Variants in MSRB3 observed in about 807,000 individuals in gnomAD.
MSRB3 encodes methionine sulfoxide reductase B3.
A neutral mutation model predicts 21.0 loss-of-function variants in MSRB3; 13 were observed. The ratio of observed to expected loss-of-function variants is 0.62; its 90% confidence interval spans 0.40 to 0.98. MSRB3 has a LOEUF of 0.98. Ranked by LOEUF, MSRB3 falls within the 50% of genes least tolerant of loss-of-function variation. The pLI is 0.00. For synonymous variants in MSRB3, 87 were observed against 88.6 expected (o/e 0.98, Z 0.10); for missense variants, 199 against 230.3 (o/e 0.86, Z 0.88).
intron 1 of MSRB3, among the ~76,000 whole-genome samples, chr12:65,288,075 C>T (rs1044258768): frequency 1.3e-5 from 2 of 151,892 alleles, no homozygotes; most frequent in East Asian, 1.9e-4. Context: ...GAGGCTGAGT[C>T]GGGCGGATCA....
chr12:65,286,706 A>G (rs1328635432), intron 1 of MSRB3: 1 of 149,908 alleles, frequency 6.7e-6, no homozygotes, highest in East Asian at 1.9e-4. Flanking sequence ...GCTACATGGT[A>G]GAATCTATTA....
chr12:65,369,635 C>G (rs1184752731), intron 5 of MSRB3, among the ~76,000 whole-genome samples: 1 of 152,086 alleles, frequency 6.6e-6, no homozygotes, highest in African/African-American at 2.4e-5. Context: ...ATATAATTCT[C>G]AGGTTTGACT....
At chr12:65,328,819 AC>A (rs1474605008) in intron 4 of MSRB3, among the ~76,000 whole-genome samples, 50 of 152,336 alleles carry the variant, frequency 3.3e-4, no homozygotes, top group African/African-American at 1.2e-3. Context: ...TCTTTAAAAT[AC>A]CCAACATTAA....
chr12:65,384,406 G>A (rs1255392348), intron 5 of MSRB3, among the ~76,000 whole-genome samples: 1 of 152,108 alleles, frequency 6.6e-6, no homozygotes, highest in African/African-American at 2.4e-5. Flanking sequence ...CAACAGGATG[G>A]CTTTATATAG....
At chr12:65,337,935 A>G (rs1239265269) in intron 4 of MSRB3, among the ~76,000 whole-genome samples, 1 of 152,216 alleles carries the variant, frequency 6.6e-6, no homozygotes, top group African/African-American at 2.4e-5. Flanking sequence ...CAACAAAACT[A>G]TGAACTTTTT....
At chr12:65,349,698 A>C (rs1876801998) in intron 4 of MSRB3, among the ~76,000 whole-genome samples, 4 of 149,508 alleles carry the variant, frequency 2.7e-5, no homozygotes, top group Admixed American at 2.6e-4. Flanking sequence ...TTGGCTGCAT[A>C]AATGTCTTCT....
intron 5 of MSRB3, among the ~76,000 whole-genome samples, chr12:65,401,516 A>G (rs368214394): frequency 1.3e-5 from 2 of 152,116 alleles, no homozygotes; most frequent in Non-Finnish European, 2.9e-5. Context: ...TGCACGTGAG[A>G]TGGGTATCCT....
chr12:65,344,000 C>T (rs1490310990), intron 4 of MSRB3: 1 of 152,100 alleles, frequency 6.6e-6, no homozygotes, highest in Non-Finnish European at 1.5e-5. Context: ...TACTTAACCT[C>T]TATGAGCCTT....
chr12:65,333,686 C>T (rs750316775), intron 4 of MSRB3, among the ~76,000 whole-genome samples: 1 of 152,210 alleles, frequency 6.6e-6, no homozygotes, highest in Non-Finnish European at 1.5e-5. Flanking sequence ...TCTGATCCTT[C>T]TAGTGTGAAC....
At chr12:65,281,261 C>T (rs905881761) in intron 1 of MSRB3, among the ~76,000 whole-genome samples, 4 of 152,108 alleles carry the variant, frequency 2.6e-5, no homozygotes, top group African/African-American at 9.7e-5. Flanking sequence ...ATTAATTTAT[C>T]ATAGTTATGG....
At chr12:65,417,077 A>G (rs2136635591) in intron 5 of MSRB3, among the ~76,000 whole-genome samples, 1 of 152,286 alleles carries the variant, frequency 6.6e-6, no homozygotes, top group South Asian at 2.1e-4. Context: ...TTACTTTCTG[A>G]TTCTAGAAGA....
In MSRB3 at chr12:65,396,704, A is replaced by G. The variant is rs7314931; in HGVS notation, c.292+27678A>G. Among the ~76,000 whole-genome samples, 449 of 54,032 alleles carry G rather than the reference A, an allele frequency of 8.3e-3. 2 individuals carry two copies. Among genetic ancestry groups the G allele is most frequent in the Middle Eastern group, 0.022 (3 of 138 alleles). 35.4% of individuals were successfully genotyped at this position (54,032 alleles called of 152,430 possible). ...GAAACTCCATCTCAAAAAAAAAAAA[A>G]AAAGAAAGAAAGAAAGAAAGAAAGA... On this transcript the variant is annotated intron_variant, in intron 5 of 6. Transcript: ENST00000308259.
At chr12:65,294,155 C>T (rs982585052) in intron 1 of MSRB3, among the ~76,000 whole-genome samples, 8 of 152,158 alleles carry the variant, frequency 5.3e-5, no homozygotes, top group African/African-American at 1.9e-4. Flanking sequence ...GAAATCTAGG[C>T]ATGAGCATTG....
Position 65,350,226 on chromosome 12 carries a change from G to A in MSRB3, c.264-18772G>A, listed in dbSNP as rs535902255. Among the ~76,000 whole-genome samples, 534 of 151,468 alleles carry A rather than the reference G, an allele frequency of 3.5e-3. 2 individuals are homozygous for A. The highest frequency in any genetic ancestry group is 5.7e-3 in the Non-Finnish European group (389 of 67,802). On this transcript the variant is annotated intron_variant, in intron 4 of 6. Transcript: ENST00000308259. ...TCAAAGATCAGATAGTTGTAGATAT[G>A]CGGCGTTATTTCTGAGGGCTCTGTT...
At chr12:65,443,485 T>A (rs1444858529) in intron 5 of MSRB3, among the ~76,000 whole-genome samples, 1 of 152,160 alleles carries the variant, frequency 6.6e-6, no homozygotes, top group Admixed American at 6.6e-5. Context: ...TTTTTAAAAA[T>A]GTTTTTCCAC....
chr12:65,295,620 A>G (rs1009833072), intron 1 of MSRB3, among the ~76,000 whole-genome samples: 1 of 152,092 alleles, frequency 6.6e-6, no homozygotes, highest in African/African-American at 2.4e-5. Flanking sequence ...TATCTGAGGA[A>G]ATTAAAGACT....
chr12:65,340,486 A>G (rs1455919148), intron 4 of MSRB3, among the ~76,000 whole-genome samples: 1 of 152,214 alleles, frequency 6.6e-6, no homozygotes. Flanking sequence ...ACTTCAAGCT[A>G]CAGATTGAGA....
intron 1 of MSRB3, among the ~76,000 whole-genome samples, chr12:65,288,445 A>C (rs117876567): frequency 6.6e-6 from 1 of 152,308 alleles, no homozygotes; most frequent in Non-Finnish European, 1.5e-5. Flanking sequence ...CAAGTTGACT[A>C]TCTTGTGCGA....
chr12:65,289,418 G>A (rs975380718), intron 1 of MSRB3, among the ~76,000 whole-genome samples: 6 of 152,116 alleles, frequency 3.9e-5, no homozygotes, highest in Admixed American at 1.3e-4. Context: ...TGCTTGAACC[G>A]GGAGGCAGAG....
Sources: gnomAD v4.1 joint callset for allele counts (sites outside exome capture counted in the v4.1 genomes callset) on GRCh38, gnomAD v4.1.1 for gene constraint, MANE v1.5 for transcripts, NCBI Gene and HGNC (gene_info 2026-07-23, HGNC 2026-07-21) for gene names.